Variants in INPP5B observed in about 807,000 individuals in gnomAD.
INPP5B encodes inositol polyphosphate-5-phosphatase B.
In INPP5B, 90 loss-of-function variants were observed where a neutral mutation model predicts 118.5. That is an observed-to-expected ratio of 0.76 (90% CI 0.64 to 0.90). The LOEUF (loss-of-function observed/expected upper bound fraction) is 0.90, where lower values mean the gene tolerates loss of function less well. INPP5B is among the 40% of genes least tolerant of loss of function. The pLI is 0.00. For missense variants in INPP5B, 984 were observed against 1,125.6 expected (o/e 0.87, Z 1.80); for synonymous variants, 385 against 418.9 (o/e 0.92, Z 0.99).
Position 37,862,255 on chromosome 1 carries a change from A to G in INPP5B, c.*60T>C. 9.2e-7 allele frequency: 1 copy of G among 1,092,742 alleles called. No homozygotes were observed. The highest frequency in any genetic ancestry group is 1.4e-6 in the Non-Finnish European group (1 of 711,034). 67.7% of individuals were successfully genotyped at this position (1,092,742 alleles called of 1,614,324 possible). ...CATAATTATCTTAAGGCATCTCTTG[A>G]GCTGAAACAGGTGGGGCTGGTAATT... On this transcript the variant is annotated 3_prime_UTR_variant, in exon 24 of 24. Coordinates refer to ENST00000373024, the MANE Select transcript of INPP5B (RefSeq NM_005540.3).
At position 37,947,036 on chromosome 1, in the gene INPP5B, T is replaced by C. The variant is rs1430839460; in HGVS notation, c.-73A>G. ...GCGCACGGGACTCCGCTGCCCCAGG[T>C]TCCGGGACAGTGACTACATTTCCCA... is the stretch of plus-strand genomic sequence containing the variant. On this transcript the variant is annotated 5_prime_UTR_variant, in exon 1 of 24. Coordinates refer to ENST00000373024, the MANE Select transcript of INPP5B (RefSeq NM_005540.3). The C allele has an allele frequency of 6.6e-6, 1 of 152,196 alleles. No individual in the cohort carries two copies. The highest frequency in any genetic ancestry group is 1.5e-5 in the Non-Finnish European group (1 of 68,086). 9.4% of individuals were successfully genotyped at this position (152,196 alleles called of 1,614,324 possible).
At chr1:37,913,088 T>C (rs1263633320) in intron 7 of INPP5B, among the ~76,000 whole-genome samples, 1 of 152,040 alleles carries the variant, frequency 6.6e-6, no homozygotes, top group Non-Finnish European at 1.5e-5. Flanking sequence ...AAATTCTGTC[T>C]CTACTAAGAA....
In INPP5B at chr1:37,874,086, G is replaced by T. The variant is rs1334579080; in HGVS notation, c.1858C>A (p.Pro620Thr). The change falls in exon 18 of 24, where the codon CCC (proline) becomes ACC (threonine). Residue 620 changes from proline (P) to threonine (T), a missense_variant. Physicochemically the swap from Pro to Thr is conservative, Grantham distance 38. This residue lies in a region of INPP5B where 634 missense variants were observed against 791.0 expected (regional missense o/e 0.80). Transcript: ENST00000373024. ...ESFTIHNGQV[P>T]CHFEFINKPD... ...TTGTTGATGAATTCAAAATGACAGG[G>T]TACTTGTCCATTATGAATTGTAAAG... 1 of 1,606,158 alleles carries T rather than the reference G, an allele frequency of 6.2e-7. No individual in the cohort carries two copies. The highest frequency in any genetic ancestry group is 2.2e-5 in the East Asian group (1 of 44,768).
At position 37,873,138 on chromosome 1, in the gene INPP5B, A is replaced by G. The variant is rs1233694450; in HGVS notation, c.1979T>C (p.Leu660Pro). Residue 660 changes from leucine (L) to proline (P), a missense_variant, in exon 19 of 24, where the codon CTC (leucine) becomes CCC (proline). By Grantham distance (98) the Leu-to-Pro change is moderately conservative (BLOSUM62 -3). Transcript: ENST00000373024. ...TGTAGCTGTCATCTTATTTACGAAG[A>G]GCTCCAAGTCAATCTCAACATCAGA... Reference protein sequence around the residue: ...PDSDVEIDLELFVNKMTATKL... With the variant: ...PDSDVEIDLEPFVNKMTATKL... 6.2e-7 allele frequency: 1 copy of G among 1,613,856 alleles called. No individual in the cohort carries two copies. The highest frequency in any genetic ancestry group is 8.5e-7 in the Non-Finnish European group (1 of 1,179,756).
chr1:37,865,129 G>A (rs1641950751), intron 22 of INPP5B, among the ~76,000 whole-genome samples: 1 of 151,922 alleles, frequency 6.6e-6, no homozygotes, highest in African/African-American at 2.4e-5. Context: ...ATTACAGTGA[G>A]CTGAGATCGC....
chr1:37,941,974 T>TATATAA (rs1390505203), intron 5 of INPP5B: 1 of 80,922 alleles, frequency 1.2e-5, no homozygotes, highest in African/African-American at 4.7e-5. Context: ...TATATATATA[T>TATATAA]AAAATAAAAT....
chr1:37,932,737 C>A (rs1645537477), intron 6 of INPP5B, among the ~76,000 whole-genome samples: 1 of 152,144 alleles, frequency 6.6e-6, no homozygotes, highest in African/African-American at 2.4e-5. Context: ...GAGTGACTAG[C>A]AGAGTGGAGG....
Position 37,862,356 on chromosome 1 carries a change from C to T in INPP5B, c.2701G>A (p.Ala901Thr), listed in dbSNP as rs1361113744. Residue 901 changes from alanine to threonine, a missense_variant, in exon 24 of 24, where the codon GCT (alanine) becomes ACT (threonine). Physicochemically the swap from Ala to Thr is moderately conservative, Grantham distance 58. Around this residue, in one of 2 missense-constraint regions of INPP5B, gnomAD observed 634 missense variants for 791.0 expected, o/e 0.80. Coordinates refer to ENST00000373024, the MANE Select transcript of INPP5B (RefSeq NM_005540.3). ...QKLDMTEKKK[A>T]QEFIHQFLCN... is the part of the protein sequence containing the mutation. ...AGGAACTGGTGAATAAATTCTTGAG[C>T]CTTCTTCTTCTCTGTCATATCAAGC... The T allele has an allele frequency of 2.5e-6, 4 of 1,613,674 alleles. No individual in the cohort carries two copies. Among genetic ancestry groups the T allele is most frequent in the Non-Finnish European group, 3.4e-6 (4 of 1,179,726 alleles).
intron 22 of INPP5B, among the ~76,000 whole-genome samples, chr1:37,865,091 G>A (rs1557612973): frequency 2.0e-5 from 3 of 152,068 alleles, no homozygotes; most frequent in Non-Finnish European, 4.4e-5. Flanking sequence ...GGAGGCTGGG[G>A]CAGGAGAATC....
chr1:37,941,802 G>A (rs1645924446), intron 5 of INPP5B, among the ~76,000 whole-genome samples: 1 of 137,048 alleles, frequency 7.3e-6, no homozygotes, highest in South Asian at 2.4e-4. Context: ...GCCGGGCATG[G>A]TAGCGGGCAC....
At chr1:37,889,078 C>T (rs1251134305) in intron 9 of INPP5B, among the ~76,000 whole-genome samples, 2 of 152,088 alleles carry the variant, frequency 1.3e-5, no homozygotes, top group Admixed American at 6.6e-5. Context: ...CACAGTGCGA[C>T]CCTGTCTCTA....
At chr1:37,932,188 G>A (rs1645509755) in intron 6 of INPP5B, 135 bp from the exon 7 acceptor site, 1 of 921,438 alleles carries the variant, frequency 1.1e-6, no homozygotes, top group Non-Finnish European at 1.6e-6. Flanking sequence ...AGGTTCAAAT[G>A]CAAGAATAAT....
At chr1:37,885,285 G>A (rs1266838281) in intron 13 of INPP5B, among the ~76,000 whole-genome samples, 2 of 151,972 alleles carry the variant, frequency 1.3e-5, no homozygotes, top group Non-Finnish European at 2.9e-5. Flanking sequence ...ATGGTGGCAG[G>A]CGCCTGTAGT....
At chr1:37,863,823 T>G (rs1453191749) in intron 23 of INPP5B, among the ~76,000 whole-genome samples, 4 of 149,372 alleles carry the variant, frequency 2.7e-5, no homozygotes, top group Non-Finnish European at 5.9e-5. Context: ...ATACTTTTTT[T>G]TTTTTTTTTG....
At chr1:37,885,944 CCGAGGCGG>C in intron 12 of INPP5B, 119 bp from the exon 13 acceptor site, 1 of 824,438 alleles carries the variant, frequency 1.2e-6, no homozygotes, top group South Asian at 1.6e-5. Context: ...CTTTGGGAGT[CCGAGGCGG>C]GTGGATCATG....
At chr1:37,944,803 G>A (rs61118018) in intron 3 of INPP5B, among the ~76,000 whole-genome samples, 1 of 151,326 alleles carries the variant, frequency 6.6e-6, no homozygotes, top group African/African-American at 2.4e-5. Context: ...GGCGGGGTAG[G>A]GGGGGCGGTC....
At position 37,945,783 on chromosome 1, in the gene INPP5B, C is replaced by T. The variant is rs185569565; in HGVS notation, c.125G>A (p.Arg42His). 12 of 1,613,958 alleles carry T rather than the reference C, an allele frequency of 7.4e-6. No homozygotes were observed. The East Asian group carries it at 2.0e-4, about 27-fold the overall frequency. ...QSRLLGLVRY[R>H]LEHGGQEHAL... ...GTGTTCCTGGCCGCCGTGCTCCAGG[C>T]GGTAGCGCACGAGTCCCAGGAGGCG... The change falls in exon 3 of 24, where the codon CGC becomes CAC. Residue 42 changes from arginine to histidine, a missense_variant. Physicochemically the swap from Arg to His is conservative, Grantham distance 29. This residue lies in a region of INPP5B where 350 missense variants were observed against 334.6 expected (regional missense o/e 1.05). Transcript: ENST00000373024.
intron 15 of INPP5B, among the ~76,000 whole-genome samples, chr1:37,878,983 C>T (rs1643016966): frequency 6.7e-6 from 1 of 150,178 alleles, no homozygotes; most frequent in African/African-American, 2.4e-5. Context: ...TAAGGCCAGG[C>T]ACGGTGGCTC....
chr1:37,941,954 A>T (rs1449979822), intron 5 of INPP5B: 299 of 28,664 alleles, frequency 0.01, 27 homozygotes, highest in African/African-American at 0.042. Context: ...AAAAAAAAAA[A>T]AAAAATATAT....
Sources: gnomAD v4.1 joint callset for allele counts (sites outside exome capture counted in the v4.1 genomes callset) on GRCh38, gnomAD v4.1.1 for gene constraint, gnomAD v4.1.1 regional missense constraint, MANE v1.5 for transcripts, NCBI Gene and HGNC (gene_info 2026-07-23, HGNC 2026-07-21) for gene names.